FHIT: variants seen among roughly 807,000 people sequenced by gnomAD.
FHIT encodes the protein fragile histidine triad diadenosine triphosphatase.
A neutral mutation model predicts 17.9 loss-of-function variants in FHIT; 19 were observed. The observed-to-expected ratio is 1.06, with a 90% CI of 0.74 to 1.56. FHIT has a LOEUF of 1.56. FHIT is among the 40% of genes most tolerant of loss of function. The pLI, the probability that FHIT is intolerant of heterozygous loss-of-function variation, is 0.00. For synonymous variants in FHIT, 81 were observed against 69.7 expected, an observed-to-expected ratio of 1.16 and a Z score of -0.81; for missense variants, 248 against 189.2, an observed-to-expected ratio of 1.31 and a Z score of -1.82.
At chr3:60,217,367 C>A (rs1359740731) in intron 5 of FHIT, among the ~76,000 whole-genome samples, 2 of 152,156 alleles carry the variant, frequency 1.3e-5, no homozygotes, top group African/African-American at 4.8e-5. Flanking sequence ...TCGCCCATAT[C>A]CCATCAATCA....
At chr3:60,976,699 C>T (rs953357518) in intron 3 of FHIT, among the ~76,000 whole-genome samples, 17 of 152,130 alleles carry the variant, frequency 1.1e-4, no homozygotes, top group Non-Finnish European at 1.9e-4. Context: ...ACACATGAAA[C>T]AAAATATTCC....
At chr3:59,924,873 C>G (rs1409399029) in intron 7 of FHIT, among the ~76,000 whole-genome samples, 1 of 152,204 alleles carries the variant, frequency 6.6e-6, no homozygotes, top group East Asian at 1.9e-4. Flanking sequence ...TGATGCTGGT[C>G]TAATGCCACA....
intron 4 of FHIT, among the ~76,000 whole-genome samples, chr3:60,741,010 A>G (rs1159873102): frequency 6.6e-6 from 1 of 152,144 alleles, no homozygotes; most frequent in African/African-American, 2.4e-5. Flanking sequence ...TACTCCTCTA[A>G]TCAATATTAA....
intron 4 of FHIT, among the ~76,000 whole-genome samples, chr3:60,723,222 T>C (rs745340853): frequency 2.6e-5 from 4 of 152,128 alleles, no homozygotes; most frequent in Non-Finnish European, 5.9e-5. Context: ...ATACAGAAAT[T>C]TGGAACCTGG....
intron 8 of FHIT, among the ~76,000 whole-genome samples, chr3:59,796,315 C>G (rs1266609262): frequency 6.6e-6 from 1 of 152,160 alleles, no homozygotes; most frequent in Non-Finnish European, 1.5e-5. Context: ...TCTAGCAACA[C>G]CCCCAGACCC....
At chr3:60,527,515 C>T (rs970275851) in intron 5 of FHIT, among the ~76,000 whole-genome samples, 12 of 152,134 alleles carry the variant, frequency 7.9e-5, no homozygotes, top group African/African-American at 2.7e-4. Context: ...CCTCCTGGAC[C>T]CATTTTATCT....
At chr3:60,532,292 A>C (rs1445612019) in intron 5 of FHIT, among the ~76,000 whole-genome samples, 1 of 152,182 alleles carries the variant, frequency 6.6e-6, no homozygotes, top group African/African-American at 2.4e-5. Flanking sequence ...GCTGAAGACG[A>C]CAGAACAAAT....
chr3:60,130,920 C>CATATATATGT (rs1356361940), intron 5 of FHIT, among the ~76,000 whole-genome samples: 2 of 134,622 alleles, frequency 1.5e-5, no homozygotes, highest in African/African-American at 5.2e-5. Context: ...TATATGTATA[C>CATATATATGT]ATACATATAT....
Position 59,893,706 on chromosome 3 carries a change from T to C in FHIT, c.348+28640A>G, listed in dbSNP as rs1207594497. Among the ~76,000 whole-genome samples, 6 of 152,364 alleles carry C rather than the reference T, an allele frequency of 3.9e-5. No individual in the cohort carries two copies. The South Asian group carries it at 8.3e-4, about 21-fold the overall frequency. On this transcript the variant is annotated intron_variant, in intron 8 of 9. Coordinates refer to ENST00000492590, the MANE Select transcript of FHIT (RefSeq NM_002012.4). ...AGCCTGAAAAGTTACTTATGAGATATAGTTCAACCATTTTCCCCCTTGCTT... is the reference window on the plus strand; with the variant it reads ...AGCCTGAAAAGTTACTTATGAGATACAGTTCAACCATTTTCCCCCTTGCTT...
At chr3:60,386,638 A>G (rs569556450) in intron 5 of FHIT, among the ~76,000 whole-genome samples, 1 of 152,204 alleles carries the variant, frequency 6.6e-6, no homozygotes, top group African/African-American at 2.4e-5. Flanking sequence ...TCTCTAAACA[A>G]TTTCTTCTGT....
intron 5 of FHIT, among the ~76,000 whole-genome samples, chr3:60,142,034 C>G (rs185253960): frequency 6.6e-6 from 1 of 152,180 alleles, no homozygotes; most frequent in African/African-American, 2.4e-5. Context: ...AGAAGGTAAG[C>G]AAGGAATAAA....
At chr3:60,065,346 G>C (rs765860858) in intron 5 of FHIT, among the ~76,000 whole-genome samples, 1 of 152,024 alleles carries the variant, frequency 6.6e-6, no homozygotes, top group Admixed American at 6.5e-5. Flanking sequence ...CCATGTCACC[G>C]AGAGGCTTAA....
intron 3 of FHIT, among the ~76,000 whole-genome samples, chr3:60,981,956 C>T (rs145406162): frequency 9.9e-5 from 15 of 152,276 alleles, no homozygotes; most frequent in Admixed American, 4.6e-4. Flanking sequence ...AAACATCCCT[C>T]GAGTCCTCCC....
chr3:59,938,313 C>A (rs1159236), intron 7 of FHIT, among the ~76,000 whole-genome samples: 1 of 152,182 alleles, frequency 6.6e-6, no homozygotes, highest in East Asian at 1.9e-4. Flanking sequence ...AGAAAAATAT[C>A]ACATGATCTT....
At chr3:60,450,329 T>A (rs2031652164) in intron 5 of FHIT, among the ~76,000 whole-genome samples, 1 of 152,106 alleles carries the variant, frequency 6.6e-6, no homozygotes, top group South Asian at 2.1e-4. Flanking sequence ...ATATATGTGG[T>A]TCACTGTTGA....
chr3:60,816,431 G>C (rs1274167726), intron 4 of FHIT, among the ~76,000 whole-genome samples: 1 of 151,912 alleles, frequency 6.6e-6, no homozygotes, highest in Non-Finnish European at 1.5e-5. Flanking sequence ...CTACTTTCTT[G>C]AAGTTTTTTA....
chr3:60,380,642 C>T (rs770149275), intron 5 of FHIT, among the ~76,000 whole-genome samples: 13 of 152,108 alleles, frequency 8.5e-5, no homozygotes, highest in Non-Finnish European at 1.3e-4. Flanking sequence ...TACATGTCTC[C>T]GTACACGTCC....
At chr3:60,998,490 G>C (rs1238544915) in intron 3 of FHIT, among the ~76,000 whole-genome samples, 1 of 152,110 alleles carries the variant, frequency 6.6e-6, no homozygotes, top group African/African-American at 2.4e-5. Flanking sequence ...AGAAACAAAT[G>C]TCCTTAATTT....
intron 5 of FHIT, among the ~76,000 whole-genome samples, chr3:60,266,474 T>C (rs925855757): frequency 1.3e-5 from 2 of 152,122 alleles, no homozygotes; most frequent in African/African-American, 4.8e-5. Context: ...TAAAAATGAC[T>C]ATGGTGATAG....
Sources: allele counts gnomAD v4.1 joint callset (sites outside exome capture counted in the v4.1 genomes callset), GRCh38; gene constraint gnomAD v4.1.1; transcripts MANE v1.5; gene names NCBI Gene and HGNC (gene_info 2026-07-23, HGNC 2026-07-21).